Variants in DDX10 observed in about 807,000 individuals in gnomAD.
DDX10 encodes the protein DEAD-box helicase 10.
Under a neutral mutation model 104.3 loss-of-function variants are expected in DDX10, and 74 were observed. The observed-to-expected ratio is 0.71, with a 90% CI of 0.59 to 0.86. DDX10 has a LOEUF of 0.86. DDX10 is among the 40% of genes least tolerant of loss of function. The probability of loss-of-function intolerance (pLI) is 0.00; values close to 1 mark genes in which losing one functional copy is unlikely to be tolerated. For synonymous variants in DDX10, 351 were observed against 353.4 expected (o/e 0.99, Z 0.08); for missense variants, 952 against 1,040.0 (o/e 0.92, Z 1.16).
At position 108,688,981 on chromosome 11, in the gene DDX10, G is replaced by C. The variant is rs1323151698; in HGVS notation, c.894G>C (p.Gln298His). ...LEQNYIVCEL[Q>H]QKISVLYSFL... is the part of the protein sequence containing the mutation. ...AGAACTACATAGTCTGTGAGCTGCA[G>C]CAAAAAATAAGTGTGCTGTATTCCT... The change falls in exon 7 of 18, where the codon CAG (glutamine) becomes CAC (histidine). Residue 298 changes from glutamine to histidine, a missense_variant. Around this residue, in one of 3 missense-constraint regions of DDX10, gnomAD observed 412 missense variants for 479.2 expected, o/e 0.86. Coordinates refer to ENST00000322536, the MANE Select transcript of DDX10 (RefSeq NM_004398.4). 1 of 1,614,064 alleles carries C rather than the reference G, an allele frequency of 6.2e-7. No individual in the cohort carries two copies. Among genetic ancestry groups the C allele is most frequent in the Non-Finnish European group, 8.5e-7 (1 of 1,179,942 alleles).
chr11:108,933,642 C>A (rs1326157179), intron 17 of DDX10, among the ~76,000 whole-genome samples: 1 of 152,200 alleles, frequency 6.6e-6, no homozygotes, highest in Non-Finnish European at 1.5e-5. Context: ...AATTTCCCTT[C>A]CGCCATTAGT....
At chr11:108,883,658 T>C (rs1443590472) in intron 16 of DDX10, among the ~76,000 whole-genome samples, 1 of 152,156 alleles carries the variant, frequency 6.6e-6, no homozygotes, top group Non-Finnish European at 1.5e-5. Flanking sequence ...TTATTACCAC[T>C]TCCTCATCTC....
rs372834217 is a variant in DDX10, at chr11:108,753,325, A to G, written c.1965+29863A>G. The stretch of plus-strand genomic sequence containing the variant: ...CACATTTGCTTAGTTTTAGATTAAA[A>G]TAAATAACAGTCCTTTTAAAATAAA... On this transcript the variant is annotated intron_variant, in intron 13 of 17. Transcript: ENST00000322536. 3.1e-3 allele frequency among the ~76,000 whole-genome samples: 466 copies of G among 152,260 alleles called. 24 individuals are homozygous for G. The South Asian group carries it at 0.082, about 27-fold the overall frequency.
chr11:108,672,977 A>G (rs2094218987), intron 1 of DDX10, among the ~76,000 whole-genome samples: 1 of 152,262 alleles, frequency 6.6e-6, no homozygotes, highest in Non-Finnish European at 1.5e-5. Context: ...CCACTGATTT[A>G]TGGTTAAAAC....
At chr11:108,685,489 C>T (rs2094242542) in intron 6 of DDX10, among the ~76,000 whole-genome samples, 2 of 152,048 alleles carry the variant, frequency 1.3e-5, no homozygotes, top group South Asian at 4.2e-4. Flanking sequence ...AATCACCCGT[C>T]TTCTGCGTTG....
At chr11:108,891,228 T>A (rs1863371798) in intron 16 of DDX10, among the ~76,000 whole-genome samples, 1 of 152,322 alleles carries the variant, frequency 6.6e-6, no homozygotes. Context: ...AATTTTTACA[T>A]TTTTAAAAAA....
intron 13 of DDX10, among the ~76,000 whole-genome samples, chr11:108,734,000 C>A (rs553807241): frequency 5.3e-4 from 81 of 152,268 alleles, no homozygotes; most frequent in African/African-American, 1.9e-3. Context: ...CAGCATTTCA[C>A]ATCTTTCAAG....
intron 2 of DDX10, among the ~76,000 whole-genome samples, chr11:108,675,264 C>T (rs1481049949): frequency 6.6e-6 from 1 of 152,114 alleles, no homozygotes; most frequent in Admixed American, 6.5e-5. Flanking sequence ...TATTAATAAA[C>T]CCTTTGGATT....
intron 17 of DDX10, among the ~76,000 whole-genome samples, chr11:108,931,200 A>G (rs534199675): frequency 6.6e-6 from 1 of 152,378 alleles, no homozygotes; most frequent in African/African-American, 2.4e-5. Context: ...GTAAAGACCA[A>G]TATAATCCAG....
At chr11:108,800,712 T>G (rs1371487329) in intron 13 of DDX10, among the ~76,000 whole-genome samples, 1 of 152,242 alleles carries the variant, frequency 6.6e-6, no homozygotes, top group Non-Finnish European at 1.5e-5. Context: ...ATTATGCTTT[T>G]GCTTAATTTT....
chr11:108,760,476 A>G (rs1006596526), intron 13 of DDX10, among the ~76,000 whole-genome samples: 1 of 152,048 alleles, frequency 6.6e-6, no homozygotes, highest in African/African-American at 2.4e-5. Flanking sequence ...GCATGTTTTC[A>G]TATTAGTTTA....
chr11:108,783,757 G>A lies in DDX10; in HGVS notation c.1966-54689G>A, dbSNP rs559839447. 3.0e-4 allele frequency among the ~76,000 whole-genome samples: 45 copies of A among 152,230 alleles called. 1 individual carries two copies. In the South Asian group the frequency reaches 8.3e-3, roughly 28 times the overall value. On this transcript the variant is annotated intron_variant, in intron 13 of 17. Transcript: ENST00000322536. ...CTGTATTGCATGTCTGAGGCTTGGG[G>A]TACAAATGATCCTGTCAGATAGTGA...
At position 108,738,854 on chromosome 11, in the gene DDX10, T is replaced by C. The variant is rs61914015; in HGVS notation, c.1965+15392T>C. Among the ~76,000 whole-genome samples, 895 of 152,248 alleles carry C rather than the reference T, an allele frequency of 5.9e-3. 2 individuals carry two copies. The highest frequency in any genetic ancestry group is 9.7e-3 in the Non-Finnish European group (662 of 67,994). ...CATGGCACAGCAGGCAGTATGAGCT[T>C]GAAGTTTGCATTGACTCCCCTGCCC... On this transcript the variant is annotated intron_variant, in intron 13 of 17. Coordinates refer to ENST00000322536, the MANE Select transcript of DDX10 (RefSeq NM_004398.4).
intron 17 of DDX10, among the ~76,000 whole-genome samples, chr11:108,928,580 T>C (rs1424860687): frequency 3.3e-5 from 5 of 152,146 alleles, no homozygotes; most frequent in Non-Finnish European, 5.9e-5. Context: ...GGGAAAACTG[T>C]GGGTTTGGGG....
chr11:108,716,650 G>T (rs1028465935), intron 11 of DDX10, among the ~76,000 whole-genome samples: 1 of 152,170 alleles, frequency 6.6e-6, no homozygotes, highest in Admixed American at 6.5e-5. Flanking sequence ...TTTCTAGAAA[G>T]CATAGAACTG....
At chr11:108,809,941 G>T (rs1429507629) in intron 13 of DDX10, among the ~76,000 whole-genome samples, 5 of 152,118 alleles carry the variant, frequency 3.3e-5, no homozygotes, top group African/African-American at 1.2e-4. Context: ...TAATAAACAT[G>T]TTTAAAAAAG....
At chr11:108,788,850 C>T (rs978886756) in intron 13 of DDX10, among the ~76,000 whole-genome samples, 8 of 152,164 alleles carry the variant, frequency 5.3e-5, no homozygotes, top group African/African-American at 1.9e-4. Flanking sequence ...TAGTTAGTGT[C>T]TGTGTTGGTG....
Position 108,812,979 on chromosome 11 carries a change from T to TAAAAA in DDX10, c.1966-25457_1966-25453dup, listed in dbSNP as rs60528070. Among the ~76,000 whole-genome samples, 16 of 66,476 alleles carry TAAAAA rather than the reference T, an allele frequency of 2.4e-4. 1 individual carries two copies. Among genetic ancestry groups the TAAAAA allele is most frequent in the South Asian group, 8.8e-4 (1 of 1,142 alleles). The allele number at this position is 66,476 out of a possible 152,430, so 43.6% of individuals were successfully genotyped here. On this transcript the variant is annotated intron_variant, in intron 13 of 17. Coordinates refer to ENST00000322536, the MANE Select transcript of DDX10 (RefSeq NM_004398.4). Reference sequence around the variant, plus strand: ...CCTGGATGACAGAGTGACTCCATCTTAAAAAAAAAAAAAAGAACAAACATT... The same window carrying TAAAAA: ...CCTGGATGACAGAGTGACTCCATCTTAAAAAAAAAAAAAAAAAAAGAACAAACATT...
intron 7 of DDX10, 30 bp from the exon 8 acceptor site, chr11:108,691,846 A>G (rs2094253019): frequency 6.3e-7 from 1 of 1,599,342 alleles, no homozygotes; most frequent in East Asian, 2.3e-5. Flanking sequence ...ATCTGCCATA[A>G]GCAAACTTAT....
Sources: gnomAD v4.1 joint callset for allele counts (sites outside exome capture counted in the v4.1 genomes callset) on GRCh38, gnomAD v4.1.1 for gene constraint, gnomAD v4.1.1 regional missense constraint, MANE v1.5 for transcripts, NCBI Gene and HGNC (gene_info 2026-07-23, HGNC 2026-07-21) for gene names.